Variants in THRB observed in about 807,000 individuals in gnomAD.
THRB encodes the protein thyroid hormone receptor beta, also known as nuclear receptor subfamily 1 group A member 2.
In THRB, 12 loss-of-function variants were observed where a neutral mutation model predicts 47.8. That is an observed-to-expected ratio of 0.25 (90% confidence interval 0.16 to 0.41). THRB has a LOEUF of 0.41. THRB is among the 10% of genes least tolerant of loss of function. The probability of loss-of-function intolerance (pLI) is 1.00; values close to 1 mark genes in which losing one functional copy is unlikely to be tolerated. For missense variants in THRB, 348 were observed against 589.2 expected (o/e 0.59, Z 4.24); for synonymous variants, 218 against 212.2 (o/e 1.03, Z -0.24).
chr3:24,262,651 C>A (rs962153688), intron 3 of THRB, among the ~76,000 whole-genome samples: 2 of 152,170 alleles, frequency 1.3e-5, no homozygotes, highest in Non-Finnish European at 2.9e-5. Context: ...TATACCAACA[C>A]CTTCTTTAAG....
intron 2 of THRB, among the ~76,000 whole-genome samples, chr3:24,301,087 A>G (rs1188090430): frequency 6.6e-6 from 1 of 152,202 alleles, no homozygotes; most frequent in African/African-American, 2.4e-5. Context: ...GACTGGAATT[A>G]CACATTCATA....
intron 3 of THRB, among the ~76,000 whole-genome samples, chr3:24,292,622 A>T (rs916554409): frequency 4.6e-5 from 7 of 152,162 alleles, no homozygotes; most frequent in African/African-American, 9.7e-5. Context: ...GTCCTCATTA[A>T]TGACTTCCTG....
At chr3:24,151,189 G>A (rs73035969) in intron 6 of THRB, among the ~76,000 whole-genome samples, 5,284 of 152,232 alleles carry the variant, frequency 0.035, 135 homozygotes, top group East Asian at 0.15. Context: ...CCTTTCCAAT[G>A]GATGTATTAT....
chr3:24,395,531 T>C (rs780514481), intron 1 of THRB, among the ~76,000 whole-genome samples: 1 of 152,062 alleles, frequency 6.6e-6, no homozygotes, highest in Non-Finnish European at 1.5e-5. Context: ...TTCAACTTGA[T>C]TTGCAGTACA....
chr3:24,290,242 A>C (rs1473930558), intron 3 of THRB, among the ~76,000 whole-genome samples: 3 of 152,186 alleles, frequency 2.0e-5, no homozygotes, highest in African/African-American at 7.2e-5. Context: ...TTGGGGGGAT[A>C]AATCTTTCAG....
chr3:24,412,188 C>T (rs553578474), intron 1 of THRB, among the ~76,000 whole-genome samples: 1 of 151,872 alleles, frequency 6.6e-6, no homozygotes, highest in Admixed American at 6.6e-5. Context: ...ACATGGATGA[C>T]AGCATTTTAT....
chr3:24,422,826 A>G (rs1034500758), intron 1 of THRB, among the ~76,000 whole-genome samples: 2 of 151,800 alleles, frequency 1.3e-5, no homozygotes, highest in Non-Finnish European at 2.9e-5. Flanking sequence ...CCTTCCCTAT[A>G]TGCACATGCC....
chr3:24,136,109 C>T lies in THRB; in HGVS notation c.739-2647G>A, dbSNP rs117676552. Among the ~76,000 whole-genome samples, 185 of 151,076 alleles carry T rather than the reference C, an allele frequency of 1.2e-3. 1 individual carries two copies. The East Asian group carries it at 0.035, about 29-fold the overall frequency. On this transcript the variant is annotated intron_variant, in intron 8 of 10. Transcript: ENST00000646209. ...TAGATTATTTGAATTCCACTTGTGA[C>T]ATGTGTAAAGATTTGAAAAAAGGAG...
chr3:24,238,052 C>T (rs1219312948), intron 3 of THRB: 1 of 152,100 alleles, frequency 6.6e-6, no homozygotes, highest in Admixed American at 6.6e-5. Flanking sequence ...CTGTCTTTCT[C>T]TACAGGTGGA....
chr3:24,207,055 C>T (rs977926454), intron 4 of THRB, among the ~76,000 whole-genome samples: 1 of 152,180 alleles, frequency 6.6e-6, no homozygotes, highest in Non-Finnish European at 1.5e-5. Context: ...CAGCCGAATT[C>T]TACCAGAGGT....
At chr3:24,230,687 C>T (rs898712077) in intron 3 of THRB, among the ~76,000 whole-genome samples, 1 of 152,108 alleles carries the variant, frequency 6.6e-6, no homozygotes, top group South Asian at 2.1e-4. Context: ...CCCTCTGAAC[C>T]CATGGAAGCT....
At chr3:24,151,374 TGGA>T (rs962856897) in intron 6 of THRB, among the ~76,000 whole-genome samples, 1 of 152,128 alleles carries the variant, frequency 6.6e-6, no homozygotes, top group African/African-American at 2.4e-5. Flanking sequence ...GCGGGGCAGT[TGGA>T]GAAGCGGAAG....
chr3:24,282,891 G>T (rs2054778727), intron 3 of THRB, among the ~76,000 whole-genome samples: 1 of 151,610 alleles, frequency 6.6e-6, no homozygotes, highest in African/African-American at 2.4e-5. Context: ...CCAGGAAGAA[G>T]TTGAATCTCT....
At chr3:24,372,065 G>C (rs1221801846) in intron 1 of THRB, among the ~76,000 whole-genome samples, 1 of 151,976 alleles carries the variant, frequency 6.6e-6, no homozygotes, top group Non-Finnish European at 1.5e-5. Context: ...CACATATTTG[G>C]ACTTCCATGA....
rs2148735816 is a variant in THRB at position 24,117,170 on chromosome 3, T to G, written c.*5714A>C. On this transcript the variant is annotated 3_prime_UTR_variant, in exon 11 of 11. Coordinates refer to ENST00000646209, the MANE Select transcript of THRB (RefSeq NM_001354712.2). ...TCAAACACTTTCTTTGGAAGGTGTT[T>G]ATTTGGTTCATGTCCTGGCCAAATA... 6.6e-6 allele frequency: 1 copy of G among 152,332 alleles called. No individual in the cohort carries two copies. Among genetic ancestry groups the G allele is most frequent in the African/African-American group, 2.4e-5 (1 of 41,568 alleles). 9.4% of individuals were successfully genotyped at this position (152,332 alleles called of 1,614,324 possible).
At chr3:24,400,566 G>A (rs1298146589) in intron 1 of THRB, among the ~76,000 whole-genome samples, 3 of 151,952 alleles carry the variant, frequency 2.0e-5, no homozygotes, top group Non-Finnish European at 2.9e-5. Context: ...ATGATGCAAT[G>A]AAAAAAACAC....
intron 8 of THRB, among the ~76,000 whole-genome samples, chr3:24,138,669 G>T (rs1183363051): frequency 3.3e-5 from 5 of 152,050 alleles, no homozygotes; most frequent in African/African-American, 1.2e-4. Flanking sequence ...ATAACTTGGG[G>T]TGATAGATGC....
At chr3:24,218,417 G>C (rs771541269) in intron 4 of THRB, among the ~76,000 whole-genome samples, 43 of 148,196 alleles carry the variant, frequency 2.9e-4, no homozygotes, top group East Asian at 2.0e-4. Flanking sequence ...TCTAGCTAGG[G>C]TGCTAAATTT....
At chr3:24,284,230 G>C (rs897573274) in intron 3 of THRB, among the ~76,000 whole-genome samples, 8 of 151,394 alleles carry the variant, frequency 5.3e-5, no homozygotes, top group Non-Finnish European at 1.0e-4. Flanking sequence ...TACCAAAACA[G>C]AGATATAGAT....
Sources: allele counts gnomAD v4.1 joint callset (sites outside exome capture counted in the v4.1 genomes callset), GRCh38; gene constraint gnomAD v4.1.1; transcripts MANE v1.5; gene names NCBI Gene and HGNC (gene_info 2026-07-23, HGNC 2026-07-21).